Variants in HGS observed in about 807,000 individuals in gnomAD.
HGS encodes the protein human growth factor-regulated tyrosine kinase substrate.
HGS carries 63 observed loss-of-function variants against 109.7 expected under a neutral mutation model. The observed-to-expected ratio is 0.57, with a 90% CI of 0.47 to 0.71. HGS has a LOEUF of 0.71. Among genes scored for constraint, HGS ranks in the 30% least tolerant of loss-of-function variants. The pLI is 0.00. For missense variants in HGS, 995 were observed against 1,068.3 expected, an observed-to-expected ratio of 0.93 and a Z score of 0.96; for synonymous variants, 546 against 437.3, an observed-to-expected ratio of 1.25 and a Z score of -3.10.
chr17:81,688,447 A>C (rs1033850701), intron 4 of HGS, among the ~76,000 whole-genome samples: 1 of 152,148 alleles, frequency 6.6e-6, no homozygotes, highest in African/African-American at 2.4e-5. Context: ...CCCGTGGGGA[A>C]AGGGAGAGAC....
At chr17:81,686,428 A>AC in intron 3 of HGS, 41 bp downstream of exon 3, 1 of 1,429,698 alleles carries the variant, frequency 7.0e-7, no homozygotes, top group Non-Finnish European at 9.9e-7. Flanking sequence ...CAGGGTCCCT[A>AC]CCCCCTACTA....
rs1188716356 is a variant in HGS at position 81,693,651 on chromosome 17, C to G, written c.742-3C>G. The G allele has an allele frequency of 6.5e-7, 1 of 1,549,030 alleles. No homozygotes were observed. The highest frequency in any genetic ancestry group is 1.8e-4 in the Middle Eastern group (1 of 5,490). ...CCCCCTCACCCTCCCCGCTTGTCCT[C>G]AGCTGCCCCCCAAGAGGGACGAGAC... On this transcript the variant is annotated splice_polypyrimidine_tract_variant and splice_region_variant and intron_variant, in intron 9 of 21. Coordinates refer to ENST00000329138, the MANE Select transcript of HGS (RefSeq NM_004712.5).
intron 6 of HGS, 56 bp downstream of exon 6, chr17:81,690,290 G>T: frequency 6.4e-7 from 1 of 1,559,994 alleles, no homozygotes; most frequent in South Asian, 1.1e-5. Context: ...GAAGCGTGAA[G>T]GGGAGTGCTG....
intron 8 of HGS, 126 bp from the exon 9 acceptor site, chr17:81,693,377 C>T (rs868428387): frequency 3.3e-5 from 24 of 722,574 alleles, no homozygotes; most frequent in Middle Eastern, 3.8e-4. Flanking sequence ...ACACCTGTGG[C>T]TGTGGAACCA....
At position 81,690,756 on chromosome 17, in the gene HGS, TG is replaced by T. The variant is rs1217276636; in HGVS notation, c.537+20del. On this transcript the variant is annotated intron_variant, in intron 7 of 21. Transcript: ENST00000329138. ...ATGACCCGTAAGGTGAGTTCCCACCTGGGGGGCTCTACAGCCCCGGCCAGAC... is the reference window on the plus strand; with the variant it reads ...ATGACCCGTAAGGTGAGTTCCCACCTGGGGGCTCTACAGCCCCGGCCAGAC... 7 of 1,609,906 alleles carry T rather than the reference TG, an allele frequency of 4.3e-6. No homozygotes were observed. The highest frequency in any genetic ancestry group is 5.9e-6 in the Non-Finnish European group (7 of 1,178,048).
intron 20 of HGS, 109 bp downstream of exon 20, chr17:81,700,923 C>T: frequency 1.3e-6 from 2 of 1,519,142 alleles, no homozygotes; most frequent in South Asian, 1.2e-5. Flanking sequence ...ACCCCTTCTG[C>T]TCCTCCCCCT....
chr17:81,696,463 G>T lies in HGS; in HGVS notation c.1500G>T (p.Glu500Asp). 6.5e-7 allele frequency: 1 copy of T among 1,540,946 alleles called. No individual in the cohort carries two copies. The highest frequency in any genetic ancestry group is 8.7e-7 in the Non-Finnish European group (1 of 1,144,158). ...GGGAGAAGCTTCGCCGGGCAGCCGA[G>T]GAGGCAGAGCGCCAGCGCCAGATCC... ...EHREKLRRAA[E>D]EAERQRQIQL... The change falls in exon 16 of 22, where the codon GAG (glutamate) becomes GAT (aspartate). Residue 500 changes from glutamate to aspartate, a missense_variant. Glu to Asp is a conservative substitution (Grantham distance 45). Around this residue, in one of 6 missense-constraint regions of HGS, gnomAD observed 163 missense variants for 217.8 expected, o/e 0.75. Transcript: ENST00000329138.
Position 81,696,397 on chromosome 17 carries a change from C to G in HGS, c.1434C>G (p.Arg478=). 3.1e-6 allele frequency: 5 copies of G among 1,587,556 alleles called. No individual in the cohort carries two copies. Among genetic ancestry groups the G allele is most frequent in the Non-Finnish European group, 4.3e-6 (5 of 1,169,580 alleles). The change falls in exon 16 of 22, where the codon CGC becomes CGG. Residue 478 remains arginine, a synonymous_variant. Coordinates refer to ENST00000329138, the MANE Select transcript of HGS (RefSeq NM_004712.5). ...EGLQDKLAQI[R]DARGALSALR... is the part of the protein sequence containing the mutation. ...TGCAGGACAAGCTGGCACAGATCCGCGATGCCCGGGGGGCGCTGAGTGCCC... is the reference window on the plus strand; with the variant it reads ...TGCAGGACAAGCTGGCACAGATCCGGGATGCCCGGGGGGCGCTGAGTGCCC...
chr17:81,688,698 C>A lies in HGS; in HGVS notation c.292-6C>A, dbSNP rs764845907. 5 of 1,613,646 alleles carry A rather than the reference C, an allele frequency of 3.1e-6. No individual in the cohort carries two copies. The highest frequency in any genetic ancestry group is 4.2e-6 in the Non-Finnish European group (5 of 1,179,828). On this transcript the variant is annotated splice_region_variant and splice_polypyrimidine_tract_variant and intron_variant, in intron 4 of 21. Transcript: ENST00000329138. ...GCGACCCTCACCCCCTTCTCCCTGC[C>A]TGCAGAGACAAGTGGAGGTAAACGT...
intron 6 of HGS, 99 bp from the exon 7 acceptor site, chr17:81,690,575 C>A: frequency 8.3e-7 from 1 of 1,208,994 alleles, no homozygotes; most frequent in Non-Finnish European, 1.2e-6. Flanking sequence ...TGCTGGGGTC[C>A]TCTCTGGGTC....
intron 4 of HGS, among the ~76,000 whole-genome samples, chr17:81,688,221 A>G (rs12452113): frequency 0.25 from 37,705 of 151,422 alleles, 4,800 homozygotes; most frequent in East Asian, 0.34. Flanking sequence ...GGGGGAGAGG[A>G]TGGCTGCAGG....
chr17:81,696,126 CAG>C lies in HGS; in HGVS notation c.1393+132_1393+133del, dbSNP rs1568217552. ...CCTTCATTGGGGCCGTGGCTTCCTC[CAG>C]AGAGTGTCAACAGGAGGTGGTCTCA... On this transcript the variant is annotated intron_variant, in intron 15 of 21. Transcript: ENST00000329138. 9 of 953,802 alleles carry C rather than the reference CAG, an allele frequency of 9.4e-6. No homozygotes were observed. The East Asian group carries it at 1.3e-4, about 14-fold the overall frequency. 59.1% of individuals were successfully genotyped at this position (953,802 alleles called of 1,614,324 possible).
rs536974182 is a variant in HGS, at chr17:81,684,610, C to T, written c.37+507C>T. Reference sequence around the variant, plus strand: ...TTCCCACACTGGCTTCGGGAAGTGCCTAATGGTTTAGGAAGGCGTTTTCTC... The same window carrying T: ...TTCCCACACTGGCTTCGGGAAGTGCTTAATGGTTTAGGAAGGCGTTTTCTC... On this transcript the variant is annotated intron_variant, in intron 1 of 21. Transcript: ENST00000329138. Among the ~76,000 whole-genome samples the T allele has an allele frequency of 2.6e-5, 4 of 152,316 alleles. No individual in the cohort carries two copies. In the South Asian group the frequency reaches 8.3e-4, roughly 32 times the overall value.
chr17:81,694,063 T>G, intron 11 of HGS, 98 bp downstream of exon 11: 1 of 1,062,952 alleles, frequency 9.4e-7, no homozygotes, highest in Non-Finnish European at 1.3e-6. Flanking sequence ...TGGTGGGGGA[T>G]GCGGGTCCCC....
chr17:81,688,248 C>T (rs1009237223), intron 4 of HGS, among the ~76,000 whole-genome samples: 1 of 152,146 alleles, frequency 6.6e-6, no homozygotes, highest in Admixed American at 6.5e-5. Flanking sequence ...GGAGCCCGCT[C>T]TGAATTTGGA....
intron 4 of HGS, among the ~76,000 whole-genome samples, chr17:81,688,091 G>T (rs538592190): frequency 5.6e-4 from 85 of 152,364 alleles, no homozygotes; most frequent in Non-Finnish European, 1.1e-3. Flanking sequence ...AGCTTAGGCT[G>T]AGGTGCAAGT....
At chr17:81,694,737 C>T (rs1008312512) in intron 11 of HGS, 78 bp from the exon 12 acceptor site, 21 of 1,569,290 alleles carry the variant, frequency 1.3e-5, no homozygotes, top group Admixed American at 3.3e-5. Context: ...CAGGATCTGT[C>T]GCACTGGGGA....
At chr17:81,685,839 C>T (rs1343938834) in intron 2 of HGS, 150 bp downstream of exon 2, 7 of 572,834 alleles carry the variant, frequency 1.2e-5, no homozygotes, top group African/African-American at 1.9e-5. Flanking sequence ...GATTTTTTGA[C>T]ATCTTGGAGG....
chr17:81,699,196 G>C (rs2037197520), intron 18 of HGS, among the ~76,000 whole-genome samples: 1 of 152,194 alleles, frequency 6.6e-6, no homozygotes, highest in Non-Finnish European at 1.5e-5. Flanking sequence ...GTAGTTTTAA[G>C]AATGCTAACC....
Sources: allele counts gnomAD v4.1 joint callset (sites outside exome capture counted in the v4.1 genomes callset), GRCh38; gene constraint gnomAD v4.1.1; regional missense constraint gnomAD v4.1.1; transcripts MANE v1.5; gene names NCBI Gene and HGNC (gene_info 2026-07-23, HGNC 2026-07-21).